Variants in MAPK8IP3 observed in about 807,000 individuals in gnomAD.
MAPK8IP3 encodes the protein mitogen-activated protein kinase 8 interacting protein 3.
MAPK8IP3 carries 49 observed loss-of-function variants against 157.8 expected under a neutral mutation model. The observed-to-expected ratio is 0.31, with a 90% confidence interval of 0.25 to 0.39. The LOEUF (loss-of-function observed/expected upper bound fraction) is 0.39. MAPK8IP3 is among the 10% of genes least tolerant of loss of function. The pLI is 1.00. For missense variants in MAPK8IP3, 1,478 were observed against 1,889.4 expected, an observed-to-expected ratio of 0.78 and a Z score of 4.04; for synonymous variants, 897 against 777.7, an observed-to-expected ratio of 1.15 and a Z score of -2.55.
chr16:1,716,734 C>T lies in MAPK8IP3; in HGVS notation c.319-7823C>T, dbSNP rs145991712. On this transcript the variant is annotated intron_variant, in intron 1 of 31. Coordinates refer to ENST00000610761, the MANE Select transcript of MAPK8IP3 (RefSeq NM_001318852.2). The stretch of plus-strand genomic sequence containing the variant: ...TTTGAGACCAGCCTGGCCAACATGG[C>T]GAAACCCCGTATCTACCAAAAATAC... 5.7e-3 allele frequency among the ~76,000 whole-genome samples: 865 copies of T among 151,748 alleles called. 5 individuals carry two copies. The highest frequency in any genetic ancestry group is 0.02 in the African/African-American group (818 of 41,416).
chr16:1,736,055 CGTCCGT>C (rs1354886568), intron 4 of MAPK8IP3, among the ~76,000 whole-genome samples: 12 of 67,918 alleles, frequency 1.8e-4, no homozygotes, highest in East Asian at 6.2e-4. Flanking sequence ...AGCGTGTGAC[CGTCCGT>C]GTGTGTGACC....
At chr16:1,738,425 CGT>C (rs751656033) in intron 4 of MAPK8IP3, among the ~76,000 whole-genome samples, 1 of 69,188 alleles carries the variant, frequency 1.4e-5, no homozygotes, top group Non-Finnish European at 2.5e-5. Flanking sequence ...AGCGTGTGAC[CGT>C]GTGAGAGAGT....
chr16:1,727,544 G>A (rs1006511133), intron 2 of MAPK8IP3, among the ~76,000 whole-genome samples: 1 of 152,166 alleles, frequency 6.6e-6, no homozygotes, highest in East Asian at 1.9e-4. Context: ...TGCGTGTGAG[G>A]TGCTGTGTCT....
Position 1,768,759 on chromosome 16 carries a change from C to G in MAPK8IP3, c.3949C>G (p.Pro1317Ala), listed in dbSNP as rs747064543. The change falls in exon 32 of 32, where the codon CCC becomes GCC. Residue 1317 changes from proline to alanine, a missense_variant. By Grantham distance (27) the Pro-to-Ala change is conservative. This residue lies in a region of MAPK8IP3 where 133 missense variants were observed against 133.4 expected (regional missense o/e 1.00). Transcript: ENST00000610761. ...EGAGDMSQVK[P>A]VLSKAERSHI... The stretch of plus-strand genomic sequence containing the variant: ...CGCAGGGGACATGAGCCAGGTGAAG[C>G]CCGTGCTGTCCAAGGCAGAGCGCAG... 1.9e-6 allele frequency: 3 copies of G among 1,612,686 alleles called. No individual in the cohort carries two copies. The highest frequency in any genetic ancestry group is 1.3e-5 in the African/African-American group (1 of 74,900).
chr16:1,735,151 C>G (rs990447111), intron 4 of MAPK8IP3: 1 of 151,306 alleles, frequency 6.6e-6, no homozygotes, highest in African/African-American at 2.4e-5. Flanking sequence ...TCTTGGGTGC[C>G]TGTGTGTGGC....
chr16:1,768,773 G>C lies in MAPK8IP3; in HGVS notation c.3963G>C (p.Lys1321Asn). 6.2e-7 allele frequency: 1 copy of C among 1,612,762 alleles called. No individual in the cohort carries two copies. The highest frequency in any genetic ancestry group is 1.3e-5 in the African/African-American group (1 of 75,020). The change falls in exon 32 of 32, where the codon AAG (lysine) becomes AAC (asparagine). Residue 1321 changes from lysine (K) to asparagine (N), a missense_variant. Lys to Asn is a moderately conservative substitution (Grantham distance 94). Coordinates refer to ENST00000610761, the MANE Select transcript of MAPK8IP3 (RefSeq NM_001318852.2). ...GCCAGGTGAAGCCCGTGCTGTCCAA[G>C]GCAGAGCGCAGTCACATCATCGTGT... ...DMSQVKPVLS[K>N]AERSHIIVWQ...
At chr16:1,736,038 C>G (rs1330061833) in intron 4 of MAPK8IP3, among the ~76,000 whole-genome samples, 1 of 121,814 alleles carries the variant, frequency 8.2e-6, no homozygotes, top group African/African-American at 3.3e-5. Flanking sequence ...ATGTGAGCAT[C>G]CGTGTGAGCG....
intron 5 of MAPK8IP3, chr16:1,745,208 C>T (rs917230247): frequency 6.1e-6 from 6 of 983,684 alleles, no homozygotes; most frequent in Admixed American, 6.1e-5. Flanking sequence ...CCGCAGCCAC[C>T]ATGAGGGTCA....
At chr16:1,719,499 C>G (rs950112753) in intron 1 of MAPK8IP3, among the ~76,000 whole-genome samples, 1 of 152,008 alleles carries the variant, frequency 6.6e-6, no homozygotes, top group Non-Finnish European at 1.5e-5. Context: ...TACCATAACA[C>G]CACAACACCA....
chr16:1,758,491 C>G (rs1204189513), intron 9 of MAPK8IP3, among the ~76,000 whole-genome samples: 1 of 152,228 alleles, frequency 6.6e-6, no homozygotes, highest in African/African-American at 2.4e-5. Context: ...GTCAGGCACA[C>G]CCCAGAAGTC....
At chr16:1,735,252 G>A (rs2039595529) in intron 4 of MAPK8IP3, among the ~76,000 whole-genome samples, 2 of 150,648 alleles carry the variant, frequency 1.3e-5, no homozygotes, top group South Asian at 4.2e-4. Flanking sequence ...ATCGGTGTGA[G>A]CATCCGTGTG....
intron 28 of MAPK8IP3, 22 bp downstream of exon 28, chr16:1,767,940 A>G: frequency 1.9e-6 from 3 of 1,605,714 alleles, no homozygotes; most frequent in Non-Finnish European, 2.6e-6. Flanking sequence ...GCACACCTGC[A>G]GGGGCAGTGG....
In MAPK8IP3 at chr16:1,740,229, C is replaced by T. The variant is rs572991814; in HGVS notation, c.603-3103C>T. ...CCGTGTGAGCTTCCGTGTGACCGTC[C>T]GTGTGAGCATCTGTGTGACCGTTCG... On this transcript the variant is annotated intron_variant, in intron 4 of 31. Coordinates refer to ENST00000610761, the MANE Select transcript of MAPK8IP3 (RefSeq NM_001318852.2). Among the ~76,000 whole-genome samples, 34 of 135,386 alleles carry T rather than the reference C, an allele frequency of 2.5e-4. 1 individual carries two copies. The highest frequency in any genetic ancestry group is 8.7e-4 in the African/African-American group (31 of 35,642). 88.8% of individuals were successfully genotyped at this position (135,386 alleles called of 152,430 possible). A position where few individuals can be genotyped will look rare whatever the true frequency, so the allele number is the denominator to read the frequency against.
intron 8 of MAPK8IP3, among the ~76,000 whole-genome samples, chr16:1,757,732 T>A (rs966164922): frequency 2.0e-5 from 3 of 151,806 alleles, no homozygotes; most frequent in African/African-American, 7.3e-5. Flanking sequence ...GTCTGCGGTG[T>A]CTCCCTCGCC....
chr16:1,767,329 A>G, intron 26 of MAPK8IP3, 32 bp downstream of exon 26: 1 of 1,611,194 alleles, frequency 6.2e-7, no homozygotes, highest in Non-Finnish European at 8.5e-7. Context: ...GGGGAGGGGA[A>G]GAGGCTCCTG....
chr16:1,723,407 C>T (rs1265416417), intron 1 of MAPK8IP3, among the ~76,000 whole-genome samples: 2 of 152,078 alleles, frequency 1.3e-5, no homozygotes, highest in African/African-American at 2.4e-5. Context: ...CTCAAACACT[C>T]ACTCAGGCTG....
chr16:1,764,605 C>T, intron 19 of MAPK8IP3, 146 bp downstream of exon 19: 3 of 1,170,802 alleles, frequency 2.6e-6, no homozygotes, highest in Non-Finnish European at 3.5e-6. Context: ...CTGCGGGAAG[C>T]AGTGTCTTCC....
chr16:1,712,801 G>A (rs944014821), intron 1 of MAPK8IP3, among the ~76,000 whole-genome samples: 1 of 152,166 alleles, frequency 6.6e-6, no homozygotes, highest in Admixed American at 6.5e-5. Context: ...TCCCGTCTCT[G>A]CCGGATTCGC....
intron 1 of MAPK8IP3, among the ~76,000 whole-genome samples, chr16:1,712,051 CT>C (rs948164217): frequency 4.8e-5 from 3 of 62,634 alleles, no homozygotes; most frequent in Non-Finnish European, 8.4e-5. Flanking sequence ...CTCAGGAGTT[CT>C]TTTTTTTTTT....
Sources: gnomAD v4.1 joint callset for allele counts (sites outside exome capture counted in the v4.1 genomes callset) on GRCh38, gnomAD v4.1.1 for gene constraint, gnomAD v4.1.1 regional missense constraint, MANE v1.5 for transcripts, NCBI Gene and HGNC (gene_info 2026-07-23, HGNC 2026-07-21) for gene names.